SATB2: variants seen among roughly 807,000 people sequenced by gnomAD.
SATB2 encodes SATB homeobox 2.
SATB2 carries 1 observed loss-of-function variant against 73.4 expected under a neutral mutation model. The ratio of observed to expected loss-of-function variants is 0.01; its 90% CI spans 0.00 to 0.06. SATB2 has a LOEUF of 0.06. Among genes scored for constraint, SATB2 ranks in the 10% least tolerant of loss-of-function variants. SATB2 has a pLI of 1.00. For synonymous variants in SATB2, 397 were observed against 367.0 expected (o/e 1.08, Z -0.93); for missense variants, 459 against 945.8 (o/e 0.49, Z 6.75).
intron 7 of SATB2, among the ~76,000 whole-genome samples, chr2:199,337,942 T>C (rs1433201225): frequency 6.6e-6 from 1 of 152,192 alleles, no homozygotes; most frequent in East Asian, 1.9e-4. Context: ...GTGAAAAATA[T>C]ATAAATAACA....
At chr2:199,384,787 C>T (rs953853201) in intron 3 of SATB2, among the ~76,000 whole-genome samples, 1 of 152,136 alleles carries the variant, frequency 6.6e-6, no homozygotes, top group East Asian at 1.9e-4. Flanking sequence ...AAGTACTGAT[C>T]TTACAAGAAT....
intron 10 of SATB2, among the ~76,000 whole-genome samples, chr2:199,279,957 A>C (rs923345447): frequency 5.9e-5 from 9 of 152,204 alleles, no homozygotes; most frequent in African/African-American, 2.2e-4. Context: ...CCTGGACAAC[A>C]TGGTAAAACC....
In SATB2 at chr2:199,385,567, T is replaced by C. The variant is rs184139193; in HGVS notation, c.347-3747A>G. On this transcript the variant is annotated intron_variant, in intron 3 of 10. Coordinates refer to ENST00000417098, the MANE Select transcript of SATB2 (RefSeq NM_001172509.2). ...TCCATCAGTTCTTTACCCCTGAATA[T>C]CTAGTGTCAACTCCCTCCATGAGGA... Among the ~76,000 whole-genome samples, 41 of 152,292 alleles carry C rather than the reference T, an allele frequency of 2.7e-4. No homozygotes were observed. In the East Asian group the frequency reaches 6.0e-3, roughly 22 times the overall value.
chr2:199,427,264 T>G (rs1021496121), intron 3 of SATB2, among the ~76,000 whole-genome samples: 6 of 152,044 alleles, frequency 3.9e-5, no homozygotes, highest in Non-Finnish European at 5.9e-5. Context: ...AATTCTGAAT[T>G]AAAGCAGCAA....
intron 10 of SATB2, among the ~76,000 whole-genome samples, chr2:199,289,726 G>A (rs7592248): frequency 0.77 from 116,537 of 152,130 alleles, 47,190 homozygotes; most frequent in Non-Finnish European, 0.89. Context: ...CTTGATTGGT[G>A]CTCCAAGACC....
intron 5 of SATB2, among the ~76,000 whole-genome samples, chr2:199,375,753 CCT>C (rs1689580561): frequency 6.6e-6 from 1 of 152,140 alleles, no homozygotes; most frequent in Admixed American, 6.5e-5. Flanking sequence ...ACCTTTCTCA[CCT>C]AAGGTGAGTA....
chr2:199,341,789 C>T (rs535730565), intron 7 of SATB2, among the ~76,000 whole-genome samples: 3 of 152,136 alleles, frequency 2.0e-5, no homozygotes, highest in Non-Finnish European at 4.4e-5. Context: ...CTGGAAATGG[C>T]GTGGACCTAT....
intron 3 of SATB2, among the ~76,000 whole-genome samples, chr2:199,417,732 TG>T (rs373573692): frequency 1.4e-4 from 21 of 152,296 alleles, no homozygotes; most frequent in African/African-American, 5.1e-4. Flanking sequence ...AACCAGATGA[TG>T]GGGGTGGAAG....
chr2:199,444,166 T>C (rs536923745), intron 2 of SATB2, among the ~76,000 whole-genome samples: 7 of 151,972 alleles, frequency 4.6e-5, no homozygotes, highest in Non-Finnish European at 1.0e-4. Flanking sequence ...TTAAAATAAA[T>C]ATTTTAAAAA....
intron 7 of SATB2, among the ~76,000 whole-genome samples, chr2:199,344,921 G>A (rs76784666): frequency 0.012 from 1,787 of 152,014 alleles, 25 homozygotes; most frequent in African/African-American, 0.037. Context: ...TCTAAACTTC[G>A]CCAGTCTTCT....
In SATB2 at chr2:199,341,260, T is replaced by C. The variant is rs190123780; in HGVS notation, c.1173+7441A>G. ...TACATAGGCCTAGTAAGTCAAACTA[T>C]GTCAGCACTAAAATAAATTCAGGAT... On this transcript the variant is annotated intron_variant, in intron 7 of 10. Coordinates refer to ENST00000417098, the MANE Select transcript of SATB2 (RefSeq NM_001172509.2). 3.6e-3 allele frequency among the ~76,000 whole-genome samples: 546 copies of C among 152,272 alleles called. 5 individuals carry two copies. Among genetic ancestry groups the C allele is most frequent in the African/African-American group, 0.013 (523 of 41,550 alleles).
chr2:199,342,695 G>GT (rs925708939), intron 7 of SATB2, among the ~76,000 whole-genome samples: 2 of 152,100 alleles, frequency 1.3e-5, no homozygotes, highest in Non-Finnish European at 2.9e-5. Context: ...AAAGAGAAAT[G>GT]TAAGGATAAA....
intron 2 of SATB2, among the ~76,000 whole-genome samples, chr2:199,452,538 A>T (rs1692154416): frequency 6.6e-6 from 1 of 152,134 alleles, no homozygotes. Flanking sequence ...TCTTTTCCTA[A>T]ATCTTCAAAT....
At chr2:199,293,422 C>T (rs964878955) in intron 10 of SATB2, among the ~76,000 whole-genome samples, 1 of 151,904 alleles carries the variant, frequency 6.6e-6, no homozygotes, top group Non-Finnish European at 1.5e-5. Flanking sequence ...GAAAAGGTAT[C>T]GAATGTTTGA....
At chr2:199,356,469 C>T (rs1188848261) in intron 6 of SATB2, among the ~76,000 whole-genome samples, 1 of 152,066 alleles carries the variant, frequency 6.6e-6, no homozygotes, top group Non-Finnish European at 1.5e-5. Context: ...TACAAACCTC[C>T]TCTCCAGGTT....
At chr2:199,440,138 A>C (rs1002155657) in intron 2 of SATB2, among the ~76,000 whole-genome samples, 13 of 152,192 alleles carry the variant, frequency 8.5e-5, no homozygotes, top group Admixed American at 6.5e-5. Context: ...GAAAAGCCTG[A>C]GTGCCTAAAA....
intron 6 of SATB2, among the ~76,000 whole-genome samples, chr2:199,361,757 C>CTT (rs1420402233): frequency 5.0e-5 from 7 of 140,444 alleles, no homozygotes; most frequent in African/African-American, 1.3e-4. Flanking sequence ...CCAACCATTT[C>CTT]TTTTTTTTTT....
At chr2:199,394,009 A>G (rs939874702) in intron 3 of SATB2, among the ~76,000 whole-genome samples, 7 of 152,196 alleles carry the variant, frequency 4.6e-5, no homozygotes, top group Non-Finnish European at 1.0e-4. Context: ...CTATCTAAAT[A>G]AATATAATTG....
chr2:199,456,383 T>A (rs925052938), intron 1 of SATB2, among the ~76,000 whole-genome samples: 1 of 152,192 alleles, frequency 6.6e-6, no homozygotes, highest in Non-Finnish European at 1.5e-5. Context: ...CTAGAAGTGG[T>A]CCATTCATTG....
Sources: gnomAD v4.1 joint callset for allele counts (sites outside exome capture counted in the v4.1 genomes callset) on GRCh38, gnomAD v4.1.1 for gene constraint, MANE v1.5 for transcripts, NCBI Gene and HGNC (gene_info 2026-07-23, HGNC 2026-07-21) for gene names.